Variants in ATXN1 observed in about 807,000 individuals in gnomAD.
The protein encoded by ATXN1 is ataxin-1.
A neutral mutation model predicts 56.4 loss-of-function variants in ATXN1; 8 were observed. The ratio of observed to expected loss-of-function variants is 0.14; its 90% confidence interval spans 0.08 to 0.26. ATXN1 has a LOEUF of 0.26. ATXN1 is among the 10% of genes least tolerant of loss of function. The pLI is 1.00. For synonymous variants in ATXN1, 514 were observed against 494.6 expected (o/e 1.04, Z -0.52); for missense variants, 987 against 1,106.5 (o/e 0.89, Z 1.53).
rs1758767454 is a variant in ATXN1 at position 16,410,109 on chromosome 6, G to A, written c.-161+75863C>T. ...AGGCTTGGCAGAGGATGAAGCAGAG[G>A]GTGGCACCGGAGCCCTACCTGGGTG... is the stretch of plus-strand genomic sequence containing the variant. On this transcript the variant is annotated intron_variant, in intron 6 of 7. Transcript: ENST00000436367. The surrounding 1 kb of genome is among the most constrained non-coding windows in gnomAD (Gnocchi z 4.6). Among the ~76,000 whole-genome samples, 1 of 152,162 alleles carries A rather than the reference G, an allele frequency of 6.6e-6. No individual in the cohort carries two copies. Among genetic ancestry groups the A allele is most frequent in the Middle Eastern group, 3.2e-3 (1 of 316 alleles).
chr6:16,384,904 C>T (rs1448112536), intron 6 of ATXN1, among the ~76,000 whole-genome samples: 1 of 152,204 alleles, frequency 6.6e-6, no homozygotes, highest in African/African-American at 2.4e-5. Flanking sequence ...TGAGAAGAGA[C>T]TAATACATCT....
At chr6:16,655,392 C>T (rs1354675918) in intron 3 of ATXN1, among the ~76,000 whole-genome samples, 1 of 152,116 alleles carries the variant, frequency 6.6e-6, no homozygotes, top group Non-Finnish European at 1.5e-5. Flanking sequence ...CATGGTGGCG[C>T]GTGCCTGTAG....
intron 6 of ATXN1, among the ~76,000 whole-genome samples, chr6:16,408,951 G>T (rs1758742762): frequency 6.6e-6 from 1 of 152,128 alleles, no homozygotes; most frequent in African/African-American, 2.4e-5. Context: ...GAGGGTGTTT[G>T]GCACACAGTA....
chr6:16,369,936 T>C (rs1762004230), intron 6 of ATXN1, among the ~76,000 whole-genome samples: 1 of 152,228 alleles, frequency 6.6e-6, no homozygotes, highest in African/African-American at 2.4e-5. Flanking sequence ...CTCTTCATGC[T>C]GGAGGGTAAA....
At chr6:16,737,513 C>A (rs538835801) in intron 2 of ATXN1, 2 of 152,218 alleles carry the variant, frequency 1.3e-5, no homozygotes, top group South Asian at 4.1e-4. Context: ...TGAGAAATAA[C>A]AATGGAGCAA....
At chr6:16,745,963 TG>T (rs1760523067) in intron 2 of ATXN1, among the ~76,000 whole-genome samples, 2 of 151,934 alleles carry the variant, frequency 1.3e-5, no homozygotes, top group Non-Finnish European at 2.9e-5. Flanking sequence ...TGTGTGTGTG[TG>T]TGTGTGTGTC....
chr6:16,498,587 C>T (rs752659516), intron 5 of ATXN1, among the ~76,000 whole-genome samples: 3 of 152,186 alleles, frequency 2.0e-5, no homozygotes, highest in Non-Finnish European at 4.4e-5. Context: ...AGTGATTGCA[C>T]CATACTACAT....
At chr6:16,682,417 G>A (rs551979161) in intron 2 of ATXN1, among the ~76,000 whole-genome samples, 3 of 151,866 alleles carry the variant, frequency 2.0e-5, no homozygotes, top group South Asian at 2.1e-4. Context: ...GGCTTGTCTC[G>A]AACTCCTGAC....
rs920703509 is a variant in ATXN1, at chr6:16,301,725, A to G, written c.*4604T>C. 1.3e-5 allele frequency: 2 copies of G among 152,626 alleles called. No homozygotes were observed. Among genetic ancestry groups the G allele is most frequent in the African/African-American group, 4.8e-5 (2 of 41,450 alleles). 9.5% of individuals were successfully genotyped at this position (152,626 alleles called of 1,614,324 possible). A position where few individuals can be genotyped will look rare whatever the true frequency, so the allele number is the denominator to read the frequency against. Reference sequence around the variant, plus strand: ...AAAGGGTTTCAGAAGGCAACAGACCAGTCTGTTGAGCTGCTTGTGGTTCAT... The same window carrying G: ...AAAGGGTTTCAGAAGGCAACAGACCGGTCTGTTGAGCTGCTTGTGGTTCAT... On this transcript the variant is annotated 3_prime_UTR_variant, in exon 8 of 8. Transcript: ENST00000436367.
intron 3 of ATXN1, among the ~76,000 whole-genome samples, chr6:16,617,703 C>T (rs1763240196): frequency 7.1e-6 from 1 of 141,464 alleles, no homozygotes; most frequent in African/African-American, 2.7e-5. Flanking sequence ...TGAGGCGGAG[C>T]TTGCAGTGAG....
chr6:16,443,085 G>A (rs1207281662), intron 6 of ATXN1, among the ~76,000 whole-genome samples: 4 of 151,952 alleles, frequency 2.6e-5, no homozygotes, highest in East Asian at 3.9e-4. Flanking sequence ...GGGGGGCTGA[G>A]GCAGAAGGAT....
At chr6:16,665,402 C>T (rs560875573) in intron 2 of ATXN1, among the ~76,000 whole-genome samples, 15 of 152,114 alleles carry the variant, frequency 9.9e-5, no homozygotes, top group Non-Finnish European at 1.8e-4. Flanking sequence ...TTTCATTACA[C>T]AATATCATCA....
intron 6 of ATXN1, among the ~76,000 whole-genome samples, chr6:16,478,966 C>G (rs1300284293): frequency 1.3e-5 from 2 of 152,156 alleles, no homozygotes; most frequent in Non-Finnish European, 2.9e-5. Flanking sequence ...AGGTCACCTC[C>G]CAGTGCCAGG....
intron 2 of ATXN1, among the ~76,000 whole-genome samples, chr6:16,692,966 A>AGCCATGTAGCATAG (rs1759081264): frequency 6.6e-6 from 1 of 152,148 alleles, no homozygotes; most frequent in East Asian, 1.9e-4. Context: ...TACACTGAGT[A>AGCCATGTAGCATAG]GCCATGTAGC....
At chr6:16,623,412 C>G (rs1029199147) in intron 3 of ATXN1, among the ~76,000 whole-genome samples, 2 of 152,222 alleles carry the variant, frequency 1.3e-5, no homozygotes, top group South Asian at 4.1e-4. Flanking sequence ...AGTCAAGTGT[C>G]AGTTCCATCT....
intron 6 of ATXN1, among the ~76,000 whole-genome samples, chr6:16,398,963 T>A (rs1192324643): frequency 6.6e-6 from 1 of 152,222 alleles, no homozygotes; most frequent in Non-Finnish European, 1.5e-5. Flanking sequence ...CCCTCCAACG[T>A]GGACTCACCA....
intron 2 of ATXN1, among the ~76,000 whole-genome samples, chr6:16,713,389 G>A (rs1264924210): frequency 1.3e-5 from 2 of 152,180 alleles, no homozygotes; most frequent in Non-Finnish European, 2.9e-5. Context: ...GGACGCCATT[G>A]GCCTCTGGGG....
chr6:16,308,634 G>A (rs1454881865), intron 7 of ATXN1, among the ~76,000 whole-genome samples: 1 of 152,148 alleles, frequency 6.6e-6, no homozygotes, highest in Non-Finnish European at 1.5e-5. Context: ...AAGCCAACAG[G>A]CCTTTCAAGG....
At chr6:16,589,373 A>G (rs1300437288) in intron 3 of ATXN1, among the ~76,000 whole-genome samples, 1 of 151,814 alleles carries the variant, frequency 6.6e-6, no homozygotes, top group East Asian at 1.9e-4. Flanking sequence ...CAACAACAAA[A>G]AAAAGAAATG....
Sources: gnomAD v4.1 joint callset for allele counts (sites outside exome capture counted in the v4.1 genomes callset) on GRCh38, gnomAD v4.1.1 for gene constraint, Gnocchi (gnomAD v3.1) non-coding constraint, MANE v1.5 for transcripts, NCBI Gene and HGNC (gene_info 2026-07-23, HGNC 2026-07-21) for gene names.